The following EGFR variants were observed in gnomAD, a reference collection of about 807,000 sequenced individuals.
The protein encoded by EGFR is avian erythroblastic leukemia viral (v-erb-b) oncogene homolog.
EGFR carries 58 observed loss-of-function variants against 143.0 expected under a neutral mutation model. The ratio of observed to expected loss-of-function variants is 0.41; its 90% CI spans 0.33 to 0.50. The LOEUF (loss-of-function observed/expected upper bound fraction) is 0.50. Among genes scored for constraint, EGFR ranks in the 20% least tolerant of loss-of-function variants. The probability of loss-of-function intolerance (pLI) is 0.39; values close to 1 mark genes in which losing one functional copy is unlikely to be tolerated. For synonymous variants in EGFR, 613 were observed against 594.4 expected, an observed-to-expected ratio of 1.03 and a Z score of -0.45; for missense variants, 1,307 against 1,579.0, an observed-to-expected ratio of 0.83 and a Z score of 2.92.
At chr7:55,128,373 C>G (rs1026530313) in intron 1 of EGFR, among the ~76,000 whole-genome samples, 1 of 152,186 alleles carries the variant, frequency 6.6e-6, no homozygotes, top group Non-Finnish European at 1.5e-5. Context: ...GCAGCTTCAC[C>G]TTAGTCATTG....
intron 5 of EGFR, among the ~76,000 whole-genome samples, chr7:55,151,584 C>T (rs1000492750): frequency 1.3e-5 from 2 of 152,296 alleles, no homozygotes; most frequent in South Asian, 2.1e-4. Context: ...AATAAGTGAA[C>T]ATCAGCAGGG....
At chr7:55,048,760 C>T (rs1788320173) in intron 1 of EGFR, among the ~76,000 whole-genome samples, 1 of 152,214 alleles carries the variant, frequency 6.6e-6, no homozygotes. Flanking sequence ...TTGTATGGTA[C>T]TGTCTGTGGC....
intron 1 of EGFR, among the ~76,000 whole-genome samples, chr7:55,045,588 A>C (rs1424884107): frequency 6.6e-6 from 1 of 152,188 alleles, no homozygotes; most frequent in Non-Finnish European, 1.5e-5. Context: ...CAGCTCCATC[A>C]CTTAAGTGGC....
chr7:55,193,095 G>T (rs1584259053), intron 22 of EGFR, among the ~76,000 whole-genome samples: 1 of 152,148 alleles, frequency 6.6e-6, no homozygotes, highest in Admixed American at 6.5e-5. Context: ...GAGGGAAAGA[G>T]CTTAGGAAAC....
intron 14 of EGFR, 120 bp from the exon 15 acceptor site, chr7:55,165,160 T>G: frequency 7.0e-7 from 1 of 1,422,808 alleles, no homozygotes; most frequent in South Asian, 1.2e-5. Flanking sequence ...CTTTAAGAAT[T>G]TTTCTATCAT....
At chr7:55,062,138 A>G (rs1422880705) in intron 1 of EGFR, among the ~76,000 whole-genome samples, 1 of 152,236 alleles carries the variant, frequency 6.6e-6, no homozygotes, top group East Asian at 1.9e-4. Flanking sequence ...GAGATGTCCA[A>G]GGCTAGAAAG....
intron 1 of EGFR, among the ~76,000 whole-genome samples, chr7:55,065,390 G>C (rs528638072): frequency 3.3e-4 from 50 of 152,296 alleles, no homozygotes; most frequent in Non-Finnish European, 6.2e-4. Context: ...ACTTTCAAAA[G>C]CCTCTAATTT....
chr7:55,133,171 T>A (rs889475034), intron 1 of EGFR, among the ~76,000 whole-genome samples: 3 of 152,230 alleles, frequency 2.0e-5, no homozygotes, highest in Non-Finnish European at 4.4e-5. Flanking sequence ...CAGCCCTGCC[T>A]GTCTTTACCT....
chr7:55,190,996 G>A (rs758648108), intron 20 of EGFR, among the ~76,000 whole-genome samples: 10 of 152,296 alleles, frequency 6.6e-5, no homozygotes, highest in African/African-American at 1.7e-4. Flanking sequence ...ACCAGAGGCC[G>A]TGGGTCAGGA....
At chr7:55,049,225 A>G (rs954087087) in intron 1 of EGFR, among the ~76,000 whole-genome samples, 1 of 152,220 alleles carries the variant, frequency 6.6e-6, no homozygotes, top group African/African-American at 2.4e-5. Context: ...AATAACGACC[A>G]CTGGTATCTG....
intron 1 of EGFR, among the ~76,000 whole-genome samples, chr7:55,106,880 C>T (rs1471283403): frequency 6.6e-6 from 1 of 152,156 alleles, no homozygotes; most frequent in Admixed American, 6.5e-5. Flanking sequence ...CAAGTCAAGA[C>T]ATTACCTTAT....
intron 1 of EGFR, among the ~76,000 whole-genome samples, chr7:55,091,578 T>G (rs1584015658): frequency 6.6e-6 from 1 of 152,000 alleles, no homozygotes; most frequent in African/African-American, 2.4e-5. Flanking sequence ...CCAGGGAGAG[T>G]TGAATAAGTT....
intron 1 of EGFR, among the ~76,000 whole-genome samples, chr7:55,024,435 C>T (rs1216434069): frequency 6.6e-6 from 1 of 152,180 alleles, no homozygotes; most frequent in Non-Finnish European, 1.5e-5. Flanking sequence ...CAAGGAGAGA[C>T]TCGGAGTCCA....
rs770133522 is a variant in EGFR, at chr7:55,142,347, C to T, written c.150C>T (p.Ser50=). 2 of 1,614,216 alleles carry T rather than the reference C, an allele frequency of 1.2e-6. No homozygotes were observed. The highest frequency in any genetic ancestry group is 2.2e-5 in the East Asian group (1 of 44,890). Reference sequence around the variant, plus strand: ...GCACTTTTGAAGATCATTTTCTCAGCCTCCAGAGGATGTTCAATAACTGTG... The same window carrying T: ...GCACTTTTGAAGATCATTTTCTCAGTCTCCAGAGGATGTTCAATAACTGTG... ...QLGTFEDHFL[S]LQRMFNNCEV... Residue 50 remains serine (S), a synonymous_variant, in exon 2 of 28, where the codon AGC becomes AGT. Coordinates refer to ENST00000275493, the MANE Select transcript of EGFR (RefSeq NM_005228.5).
At chr7:55,059,023 A>T (rs1789004131) in intron 1 of EGFR, among the ~76,000 whole-genome samples, 1 of 152,208 alleles carries the variant, frequency 6.6e-6, no homozygotes, top group East Asian at 1.9e-4. Flanking sequence ...TTTCTGTTGG[A>T]CCTGGTGTTG....
intron 15 of EGFR, chr7:55,168,730 T>C: frequency 1.5e-6 from 1 of 684,742 alleles, no homozygotes; most frequent in Non-Finnish European, 2.3e-6. Context: ...TATAATCTTG[T>C]TATTGCCACC....
Position 55,191,757 on chromosome 7 carries a change from C to A in EGFR, c.2508C>A (p.Arg836=), listed in dbSNP as rs2229066. Residue 836 remains arginine, a synonymous_variant, in exon 21 of 28, where the codon CGC becomes CGA. Transcript: ENST00000275493. ...NYLEDRRLVH[R]DLAARNVLVK... is the part of the protein sequence containing the mutation. ...TGGAGGACCGTCGCTTGGTGCACCGCGACCTGGCAGCCAGGAACGTACTGG... is the reference window on the plus strand; with the variant it reads ...TGGAGGACCGTCGCTTGGTGCACCGAGACCTGGCAGCCAGGAACGTACTGG... 6.2e-7 allele frequency: 1 copy of A among 1,613,828 alleles called. No individual in the cohort carries two copies. Among genetic ancestry groups the A allele is most frequent in the Non-Finnish European group, 8.5e-7 (1 of 1,180,010 alleles).
Position 55,155,855 on chromosome 7 carries a change from C to A in EGFR, c.915C>A (p.Gly305=), listed in dbSNP as rs566001525. 117 of 1,613,878 alleles carry A rather than the reference C, an allele frequency of 7.2e-5. 2 individuals carry two copies. The South Asian group carries it at 1.3e-3, about 18-fold the overall frequency. The change falls in exon 8 of 28, where the codon GGC becomes GGA. Residue 305 remains glycine, a synonymous_variant. Coordinates refer to ENST00000275493, the MANE Select transcript of EGFR (RefSeq NM_005228.5). ...CPRNYVVTDH[G]SCVRACGADS... is the part of the protein sequence containing the mutation. ...GTAATTATGTGGTGACAGATCACGG[C>A]TCGTGCGTCCGAGCCTGTGGGGCCG...
intron 1 of EGFR, among the ~76,000 whole-genome samples, chr7:55,129,320 C>T (rs1412400329): frequency 6.6e-6 from 1 of 152,128 alleles, no homozygotes; most frequent in African/African-American, 2.4e-5. Flanking sequence ...GGGTGAGAAA[C>T]GTGATGAGAA....
Sources: allele counts gnomAD v4.1 joint callset (sites outside exome capture counted in the v4.1 genomes callset), GRCh38; gene constraint gnomAD v4.1.1; transcripts MANE v1.5; gene names NCBI Gene and HGNC (gene_info 2026-07-23, HGNC 2026-07-21).